Variants in NBAS observed in about 807,000 individuals in gnomAD.
The protein encoded by NBAS is NAG/BC035112 fusion.
A neutral mutation model predicts 302.5 loss-of-function variants in NBAS; 219 were observed. The observed-to-expected ratio is 0.72, with a 90% CI of 0.65 to 0.81. The LOEUF (loss-of-function observed/expected upper bound fraction) is 0.81. Among genes scored for constraint, NBAS ranks in the 30% least tolerant of loss-of-function variants. The pLI, the probability that NBAS is intolerant of heterozygous loss-of-function variation, is 0.00. For synonymous variants in NBAS, 1,118 were observed against 1,021.6 expected, an observed-to-expected ratio of 1.09 and a Z score of -1.80; for missense variants, 2,932 against 2,841.6, an observed-to-expected ratio of 1.03 and a Z score of -0.72.
Position 15,478,284 on chromosome 2 carries a change from G to T in NBAS, c.1089C>A (p.Gly363=). ...TCCAATCAGGATTAAGGTCATCATAGCCTGGCTAAATATGAAAATAATGAC... is the reference window on the plus strand; with the variant it reads ...TCCAATCAGGATTAAGGTCATCATATCCTGGCTAAATATGAAAATAATGAC... ...QGEWGQNEQP[G]YDDLNPDWRL... is the part of the protein sequence containing the mutation. The change falls in exon 13 of 52, where the codon GGC becomes GGA. Residue 363 remains glycine, a synonymous_variant. Transcript: ENST00000281513. The T allele has an allele frequency of 2.5e-6, 4 of 1,609,682 alleles. No individual in the cohort carries two copies. Among genetic ancestry groups the T allele is most frequent in the Non-Finnish European group, 3.4e-6 (4 of 1,176,380 alleles).
chr2:15,203,682 T>C (rs559977929), intron 48 of NBAS, among the ~76,000 whole-genome samples: 1 of 151,454 alleles, frequency 6.6e-6, no homozygotes, highest in African/African-American at 2.4e-5. Context: ...ATAAGGAAAA[T>C]GGAAAAAAAG....
chr2:15,478,633 G>A (rs188235808), intron 12 of NBAS, among the ~76,000 whole-genome samples: 1 of 152,254 alleles, frequency 6.6e-6, no homozygotes, highest in Admixed American at 6.5e-5. Flanking sequence ...CCTGGATACA[G>A]ATCTTATCCC....
intron 48 of NBAS, among the ~76,000 whole-genome samples, chr2:15,194,808 G>T (rs1393140859): frequency 6.6e-6 from 1 of 152,096 alleles, no homozygotes; most frequent in Non-Finnish European, 1.5e-5. Context: ...CCAAGGCTAA[G>T]ATATCCACTC....
chr2:15,483,913 A>G (rs1389925793), intron 12 of NBAS, among the ~76,000 whole-genome samples: 2 of 152,198 alleles, frequency 1.3e-5, no homozygotes, highest in Non-Finnish European at 2.9e-5. Flanking sequence ...ATATCACCAT[A>G]TCATCGATTT....
the NBAS span, among the ~76,000 whole-genome samples, chr2:15,006,976 T>C: frequency 6.6e-6 from 1 of 152,230 alleles, no homozygotes; most frequent in Non-Finnish European, 1.5e-5. Context: ...ACTTAGGATC[T>C]ACTTAAAACA....
chr2:14,991,286 A>AC, the NBAS span, among the ~76,000 whole-genome samples: 3 of 148,878 alleles, frequency 2.0e-5, no homozygotes, highest in Non-Finnish European at 3.0e-5. Flanking sequence ...TAAAAAAAAA[A>AC]CCCACCTGGA....
chr2:15,272,071 G>C (rs149173868), intron 44 of NBAS, among the ~76,000 whole-genome samples: 2 of 152,234 alleles, frequency 1.3e-5, no homozygotes, highest in East Asian at 3.9e-4. Flanking sequence ...AGAGATTCTA[G>C]GAATTCTGCA....
At chr2:15,129,512 C>T in the NBAS span, among the ~76,000 whole-genome samples, 1 of 152,186 alleles carries the variant, frequency 6.6e-6, no homozygotes, top group Non-Finnish European at 1.5e-5. Flanking sequence ...AGCTACAGGC[C>T]AGGCATTTCA....
intron 6 of NBAS, among the ~76,000 whole-genome samples, chr2:15,549,667 G>A (rs1664283628): frequency 6.6e-6 from 1 of 151,882 alleles, no homozygotes; most frequent in South Asian, 2.1e-4. Context: ...GGTTGAGTCT[G>A]CAGTGAGCCA....
At chr2:14,956,871 G>A in the NBAS span, among the ~76,000 whole-genome samples, 1 of 152,118 alleles carries the variant, frequency 6.6e-6, no homozygotes. Flanking sequence ...ATGGGTTGAG[G>A]TATGCTCCCC....
the NBAS span, among the ~76,000 whole-genome samples, chr2:15,021,147 C>T: frequency 2.6e-5 from 4 of 152,134 alleles, no homozygotes; most frequent in East Asian, 1.9e-4. Context: ...GCAGGAGAAT[C>T]GCTTGAACCT....
chr2:15,461,196 C>T lies in NBAS; in HGVS notation c.2339+5G>A. ...AGGTAAAATTCTGTTAACATAGTCA[C>T]ATACCAAGCTTCGGGCAGCAAAACA... On this transcript the variant is annotated splice_donor_5th_base_variant and intron_variant, in intron 21 of 51. Coordinates refer to ENST00000281513, the MANE Select transcript of NBAS (RefSeq NM_015909.4). 2 of 1,613,124 alleles carry T rather than the reference C, an allele frequency of 1.2e-6. No homozygotes were observed. Among genetic ancestry groups the T allele is most frequent in the African/African-American group, 1.3e-5 (1 of 74,942 alleles).
chr2:14,977,462 T>G, the NBAS span, among the ~76,000 whole-genome samples: 1 of 152,330 alleles, frequency 6.6e-6, no homozygotes, highest in East Asian at 1.9e-4. Context: ...AGAAATATCG[T>G]AAGGTTTGGT....
At chr2:15,340,607 T>C (rs551401713) in intron 35 of NBAS, among the ~76,000 whole-genome samples, 1 of 152,196 alleles carries the variant, frequency 6.6e-6, no homozygotes, top group African/African-American at 2.4e-5. Context: ...AAGCAGGGAA[T>C]CATCAGCACA....
At chr2:15,389,110 T>C (rs1329508368) in intron 28 of NBAS, among the ~76,000 whole-genome samples, 6 of 152,208 alleles carry the variant, frequency 3.9e-5, no homozygotes, top group Non-Finnish European at 8.8e-5. Context: ...TCCTTAGTTA[T>C]GCTGGAAGTG....
intron 48 of NBAS, among the ~76,000 whole-genome samples, chr2:15,204,880 G>A (rs1666066970): frequency 6.6e-6 from 1 of 152,090 alleles, no homozygotes. Flanking sequence ...GAAGGGGGAG[G>A]GATAGCATTA....
chr2:14,878,395 G>A, the NBAS span, among the ~76,000 whole-genome samples: 88 of 152,272 alleles, frequency 5.8e-4, 1 homozygote, highest in South Asian at 0.016. Context: ...GAAGGGGGTC[G>A]TTGACTTTGT....
chr2:15,476,535 A>G (rs533439804), intron 13 of NBAS, among the ~76,000 whole-genome samples: 2 of 152,190 alleles, frequency 1.3e-5, no homozygotes, highest in African/African-American at 4.8e-5. Flanking sequence ...AGCCTGGCCA[A>G]TATGGTGAAA....
the NBAS span, among the ~76,000 whole-genome samples, chr2:15,143,403 C>T: frequency 4.6e-5 from 7 of 152,244 alleles, no homozygotes; most frequent in Non-Finnish European, 7.4e-5. Flanking sequence ...CACTGGTTGA[C>T]GGAGCAGTTT....
Sources: allele counts gnomAD v4.1 joint callset (sites outside exome capture counted in the v4.1 genomes callset), GRCh38; gene constraint gnomAD v4.1.1; transcripts MANE v1.5; gene names NCBI Gene and HGNC (gene_info 2026-07-23, HGNC 2026-07-21).